The following POU6F2 variants were observed in gnomAD, a reference collection of about 807,000 sequenced individuals.
POU6F2 encodes POU class 6 homeobox 2, also known as POU domain, class 6, transcription factor 2.
POU6F2 carries 31 observed loss-of-function variants against 71.3 expected under a neutral mutation model. The ratio of observed to expected loss-of-function variants is 0.43; its 90% CI spans 0.33 to 0.59. POU6F2 has a LOEUF of 0.59. Ranked by LOEUF, POU6F2 falls within the 20% of genes least tolerant of loss-of-function variation. The pLI, the probability that POU6F2 is intolerant of heterozygous loss-of-function variation, is 0.04. For missense variants in POU6F2, 783 were observed against 856.8 expected, an observed-to-expected ratio of 0.91 and a Z score of 1.07; for synonymous variants, 347 against 355.7, an observed-to-expected ratio of 0.98 and a Z score of 0.27.
At chr7:39,085,382 C>T (rs1335186943) in intron 1 of POU6F2, among the ~76,000 whole-genome samples, 1 of 152,038 alleles carries the variant, frequency 6.6e-6, no homozygotes, top group East Asian at 1.9e-4. Flanking sequence ...AATTGCTTCT[C>T]CCCCGGGGAG....
intron 1 of POU6F2, among the ~76,000 whole-genome samples, chr7:38,985,857 A>G (rs1050589871): frequency 1.3e-5 from 2 of 152,166 alleles, no homozygotes; most frequent in African/African-American, 4.8e-5. Flanking sequence ...GAAGGCTAAT[A>G]TGGCTCAAAT....
chr7:39,124,886 C>T (rs959915477), intron 2 of POU6F2, among the ~76,000 whole-genome samples: 2 of 151,972 alleles, frequency 1.3e-5, no homozygotes, highest in East Asian at 1.9e-4. Context: ...TCTCTTCTTC[C>T]GTTCTTTATA....
intron 1 of POU6F2, among the ~76,000 whole-genome samples, chr7:39,040,124 A>G (rs372937168): frequency 2.6e-4 from 2 of 7,558 alleles, no homozygotes; most frequent in Non-Finnish European, 6.3e-4. Context: ...ACATTTATAT[A>G]TATATATATA....
intron 2 of POU6F2, among the ~76,000 whole-genome samples, chr7:39,170,028 C>T (rs1018024537): frequency 5.9e-5 from 9 of 151,978 alleles, no homozygotes; most frequent in Admixed American, 2.0e-4. Flanking sequence ...ACTAGCCGGG[C>T]GTTGTGGCAG....
chr7:39,437,944 CTT>C, intron 7 of POU6F2, among the ~76,000 whole-genome samples: 1 of 148,224 alleles, frequency 6.7e-6, no homozygotes, highest in Non-Finnish European at 1.5e-5. Flanking sequence ...GAGTGAGTTT[CTT>C]TTTTTTTTTA....
At chr7:39,378,356 C>T (rs1288611044) in intron 5 of POU6F2, among the ~76,000 whole-genome samples, 1 of 152,168 alleles carries the variant, frequency 6.6e-6, no homozygotes, top group Non-Finnish European at 1.5e-5. Context: ...CCCATCCTTC[C>T]TTATCCATGC....
At chr7:39,015,700 T>TATATAGATATATAACATATAGATA (rs765518595) in intron 1 of POU6F2, among the ~76,000 whole-genome samples, 1 of 84,486 alleles carries the variant, frequency 1.2e-5, no homozygotes, top group African/African-American at 4.7e-5. Flanking sequence ...CTATATATTA[T>TATATAGATATATAACATATAGATA]ATATATCTAT....
At chr7:39,144,640 T>G (rs934222684) in intron 2 of POU6F2, among the ~76,000 whole-genome samples, 1 of 152,232 alleles carries the variant, frequency 6.6e-6, no homozygotes, top group African/African-American at 2.4e-5. Context: ...GCAACACCTT[T>G]GTGAGTTTCT....
intron 4 of POU6F2, among the ~76,000 whole-genome samples, chr7:39,229,398 G>C (rs1300541163): frequency 6.6e-6 from 1 of 152,156 alleles, no homozygotes; most frequent in Non-Finnish European, 1.5e-5. Context: ...GGCATCAACT[G>C]TCTGGGCCAT....
At chr7:39,360,040 A>T (rs1786344847) in intron 5 of POU6F2, among the ~76,000 whole-genome samples, 1 of 152,236 alleles carries the variant, frequency 6.6e-6, no homozygotes, top group Non-Finnish European at 1.5e-5. Context: ...AACAGCATTG[A>T]TAATAAATAT....
chr7:39,120,210 C>A (rs1462668465), intron 2 of POU6F2, among the ~76,000 whole-genome samples: 1 of 152,186 alleles, frequency 6.6e-6, no homozygotes, highest in Non-Finnish European at 1.5e-5. Context: ...CGCTATGCTG[C>A]TCAGGCTGGT....
rs566905092 is a variant in POU6F2 at position 39,242,319 on chromosome 7, G to C, written c.598+34699G>C. Among the ~76,000 whole-genome samples, 10 of 151,952 alleles carry C rather than the reference G, an allele frequency of 6.6e-5. No individual in the cohort carries two copies. In the East Asian group the frequency reaches 1.9e-3, roughly 29 times the overall value. ...TGCTGCTTTGCAATCCCACCGGCAG[G>C]GTATGAGCATTCTAGTTCCTCCACA... On this transcript the variant is annotated intron_variant, in intron 4 of 9. Coordinates refer to ENST00000518318, the MANE Select transcript of POU6F2 (RefSeq NM_001370959.1).
At chr7:39,008,211 T>C (rs1789142257) in intron 1 of POU6F2, among the ~76,000 whole-genome samples, 1 of 150,532 alleles carries the variant, frequency 6.6e-6, no homozygotes, top group African/African-American at 2.4e-5. Context: ...TTTTTAATGA[T>C]TGCCATTCTA....
At chr7:39,408,126 T>C (rs1048430420) in intron 6 of POU6F2, among the ~76,000 whole-genome samples, 6 of 152,212 alleles carry the variant, frequency 3.9e-5, no homozygotes, top group Non-Finnish European at 8.8e-5. Context: ...TTTTAATGTC[T>C]GTAACTCATA....
intron 4 of POU6F2, among the ~76,000 whole-genome samples, chr7:39,223,016 A>G (rs533800396): frequency 3.3e-5 from 5 of 152,336 alleles, no homozygotes; most frequent in African/African-American, 7.2e-5. Context: ...CCAACAGTGC[A>G]CAAGGATGCC....
chr7:39,243,064 C>G (rs574342167), intron 4 of POU6F2, among the ~76,000 whole-genome samples: 11 of 152,222 alleles, frequency 7.2e-5, no homozygotes, highest in African/African-American at 2.2e-4. Context: ...TAAGAAATCA[C>G]CAAGCATACC....
intron 2 of POU6F2, among the ~76,000 whole-genome samples, chr7:39,128,719 A>G (rs1584556942): frequency 6.6e-6 from 1 of 152,364 alleles, no homozygotes; most frequent in East Asian, 1.9e-4. Context: ...AACCAAAGAT[A>G]TCCAGTTGCT....
At chr7:39,119,482 T>C (rs771527908) in intron 2 of POU6F2, among the ~76,000 whole-genome samples, 12 of 152,126 alleles carry the variant, frequency 7.9e-5, no homozygotes, top group Admixed American at 2.6e-4. Flanking sequence ...GAGAGTCAAA[T>C]GGAAGGATGG....
At chr7:39,150,089 G>T (rs1393040580) in intron 2 of POU6F2, among the ~76,000 whole-genome samples, 1 of 152,088 alleles carries the variant, frequency 6.6e-6, no homozygotes, top group Non-Finnish European at 1.5e-5. Context: ...GTTTCACCCT[G>T]TTAGCCAAGA....
Sources: allele counts gnomAD v4.1 joint callset (sites outside exome capture counted in the v4.1 genomes callset), GRCh38; gene constraint gnomAD v4.1.1; transcripts MANE v1.5; gene names NCBI Gene and HGNC (gene_info 2026-07-23, HGNC 2026-07-21).